REEP3: variants seen among roughly 807,000 people sequenced by gnomAD.
The protein encoded by REEP3 is receptor expression-enhancing protein 3.
Under a neutral mutation model 41.3 loss-of-function variants are expected in REEP3, and 20 were observed. That is an observed-to-expected ratio of 0.48 (90% CI 0.34 to 0.70). REEP3 has a LOEUF of 0.70. REEP3 is among the 30% of genes least tolerant of loss of function. The pLI is 0.01. For missense variants in REEP3, 271 were observed against 308.8 expected, an observed-to-expected ratio of 0.88 and a Z score of 0.92; for synonymous variants, 104 against 101.8, an observed-to-expected ratio of 1.02 and a Z score of -0.13.
chr10:63,570,872 T>A (rs1433636546), intron 2 of REEP3, among the ~76,000 whole-genome samples: 1 of 152,084 alleles, frequency 6.6e-6, no homozygotes, highest in Non-Finnish European at 1.5e-5. Flanking sequence ...CCCAGCACTT[T>A]GGGAGGCTGA....
chr10:63,590,570 AG>A (rs1366762079), intron 2 of REEP3, among the ~76,000 whole-genome samples: 3 of 152,042 alleles, frequency 2.0e-5, no homozygotes, highest in African/African-American at 7.2e-5. Context: ...GCTACATAGA[AG>A]GGAGGTGCAG....
chr10:63,576,508 G>A (rs1002770107), intron 2 of REEP3, among the ~76,000 whole-genome samples: 1 of 152,064 alleles, frequency 6.6e-6, no homozygotes, highest in African/African-American at 2.4e-5. Context: ...ATGTCTCTGT[G>A]TGTCTATTTT....
At chr10:63,564,698 T>C (rs571806264) in intron 1 of REEP3, among the ~76,000 whole-genome samples, 2 of 152,174 alleles carry the variant, frequency 1.3e-5, no homozygotes, top group Non-Finnish European at 2.9e-5. Flanking sequence ...AATTTTTTTT[T>C]TTCCTAACGA....
chr10:63,528,812 A>C (rs1955391135), intron 1 of REEP3, among the ~76,000 whole-genome samples: 1 of 152,038 alleles, frequency 6.6e-6, no homozygotes, highest in Non-Finnish European at 1.5e-5. Context: ...TGCACTTCCC[A>C]CAGATACCCT....
intron 6 of REEP3, among the ~76,000 whole-genome samples, chr10:63,617,638 G>A (rs568933380): frequency 1.3e-4 from 19 of 151,836 alleles, no homozygotes; most frequent in Middle Eastern, 6.8e-3. Context: ...AAGCTTAAGC[G>A]AACCACCTGC....
chr10:63,564,479 G>A (rs369813347), intron 1 of REEP3, among the ~76,000 whole-genome samples: 86 of 151,912 alleles, frequency 5.7e-4, no homozygotes, highest in African/African-American at 1.9e-3. Context: ...AAAAATTGGC[G>A]AGACATGGTA....
intron 2 of REEP3, among the ~76,000 whole-genome samples, chr10:63,584,282 T>C (rs1955982792): frequency 2.0e-5 from 3 of 152,126 alleles, no homozygotes; most frequent in South Asian, 4.1e-4. Context: ...CATCTGAAAG[T>C]AGAACTCCCA....
chr10:63,523,674 C>G (rs1257873040), intron 1 of REEP3, among the ~76,000 whole-genome samples: 1 of 151,948 alleles, frequency 6.6e-6, no homozygotes, highest in Non-Finnish European at 1.5e-5. Context: ...ATCTAGGCAG[C>G]CAAAGATGAA....
chr10:63,540,581 C>G (rs544659536), intron 1 of REEP3, among the ~76,000 whole-genome samples: 1 of 152,124 alleles, frequency 6.6e-6, no homozygotes, highest in Non-Finnish European at 1.5e-5. Flanking sequence ...TCTACCATAG[C>G]AGAAAGACAG....
intron 5 of REEP3, among the ~76,000 whole-genome samples, chr10:63,602,876 G>T (rs1055591420): frequency 7.2e-5 from 11 of 152,142 alleles, no homozygotes; most frequent in Admixed American, 1.3e-4. Context: ...AGTAGGTACT[G>T]GGAATGTAGC....
At chr10:63,590,442 T>G (rs1246371743) in intron 2 of REEP3, among the ~76,000 whole-genome samples, 1 of 152,218 alleles carries the variant, frequency 6.6e-6, no homozygotes, top group Admixed American at 6.5e-5. Flanking sequence ...AGGGTATATG[T>G]GCATGTGTCC....
At chr10:63,582,783 T>A (rs541896860) in intron 2 of REEP3, among the ~76,000 whole-genome samples, 5 of 152,216 alleles carry the variant, frequency 3.3e-5, no homozygotes, top group Non-Finnish European at 7.4e-5. Context: ...TCCTTAGGCC[T>A]CCACTGTGGC....
intron 5 of REEP3, among the ~76,000 whole-genome samples, chr10:63,603,407 G>A (rs1956193094): frequency 6.7e-6 from 1 of 150,160 alleles, no homozygotes; most frequent in Non-Finnish European, 1.5e-5. Flanking sequence ...AAAATGCCAC[G>A]AAAACAAAAA....
chr10:63,530,953 G>A (rs1302143703), intron 1 of REEP3, among the ~76,000 whole-genome samples: 1 of 152,142 alleles, frequency 6.6e-6, no homozygotes, highest in Admixed American at 6.5e-5. Context: ...TAAATGAGAG[G>A]TTAAAGATAA....
chr10:63,585,291 A>G (rs1287209450), intron 2 of REEP3, among the ~76,000 whole-genome samples: 1 of 152,188 alleles, frequency 6.6e-6, no homozygotes, highest in Non-Finnish European at 1.5e-5. Context: ...GGTGGTTGTT[A>G]CATAAACCAA....
At chr10:63,593,663 CTG>C (rs1164565220) in intron 2 of REEP3, among the ~76,000 whole-genome samples, 2 of 152,162 alleles carry the variant, frequency 1.3e-5, no homozygotes, top group Non-Finnish European at 2.9e-5. Context: ...ACAAGAAACT[CTG>C]TGTACTGAGG....
At position 63,569,506 on chromosome 10, in the gene REEP3, A is replaced by G. The variant is rs192727369; in HGVS notation, c.105+3096A>G. Among the ~76,000 whole-genome samples, 314 of 152,144 alleles carry G rather than the reference A, an allele frequency of 2.1e-3. 1 individual carries two copies. The highest frequency in any genetic ancestry group is 7.4e-3 in the African/African-American group (307 of 41,520). ...TTTTTTTTTTAGGAAAAGAAAGCTA[A>G]GTACAAATTTTAAATGTTTAGATGA... On this transcript the variant is annotated intron_variant, in intron 2 of 7. Coordinates refer to ENST00000373758, the MANE Select transcript of REEP3 (RefSeq NM_001001330.3).
At chr10:63,534,662 C>G (rs1564992119) in intron 1 of REEP3, among the ~76,000 whole-genome samples, 1 of 152,176 alleles carries the variant, frequency 6.6e-6, no homozygotes, top group Non-Finnish European at 1.5e-5. Flanking sequence ...CCAATTGCCT[C>G]AGATTTTTGC....
rs967425788 is a variant in REEP3, at chr10:63,624,144, A to G, written c.*3275A>G. 6.6e-6 allele frequency: 1 copy of G among 152,104 alleles called. No homozygotes were observed. Among genetic ancestry groups the G allele is most frequent in the African/African-American group, 2.4e-5 (1 of 41,446 alleles). 9.4% of individuals were successfully genotyped at this position (152,104 alleles called of 1,614,324 possible). The stretch of plus-strand genomic sequence containing the variant: ...TGATTATCAGGAAAATTAAGGAGTT[A>G]TATATTTAAAAGCAATTTTCTGTGT... On this transcript the variant is annotated 3_prime_UTR_variant, in exon 8 of 8. Transcript: ENST00000373758.
Sources: allele counts gnomAD v4.1 joint callset (sites outside exome capture counted in the v4.1 genomes callset), GRCh38; gene constraint gnomAD v4.1.1; transcripts MANE v1.5; gene names NCBI Gene and HGNC (gene_info 2026-07-23, HGNC 2026-07-21).